Variants in CRHR1 observed in about 807,000 individuals in gnomAD.
CRHR1 encodes the protein corticotropin-releasing hormone receptor 1.
CRHR1 carries 28 observed loss-of-function variants against 56.0 expected under a neutral mutation model. That is an observed-to-expected ratio of 0.50 (90% confidence interval 0.37 to 0.69). The LOEUF is 0.69. Ranked by LOEUF, CRHR1 falls within the 30% of genes least tolerant of loss-of-function variation. The pLI is 0.00. For missense variants in CRHR1, 376 were observed against 548.0 expected, an observed-to-expected ratio of 0.69 and a Z score of 3.13; for synonymous variants, 195 against 216.5, an observed-to-expected ratio of 0.90 and a Z score of 0.87.
At chr17:45,809,337 G>T (rs532497915) in intron 2 of CRHR1, among the ~76,000 whole-genome samples, 302 of 152,236 alleles carry the variant, frequency 2.0e-3, no homozygotes, top group African/African-American at 6.8e-3. Context: ...GGAGGGAGGA[G>T]AGCTGCTCAG....
chr17:45,786,636 CTTT>C (rs34895436), intron 1 of CRHR1, among the ~76,000 whole-genome samples: 5 of 108,396 alleles, frequency 4.6e-5, no homozygotes, highest in Non-Finnish European at 5.3e-5. Context: ...AGAAAATATC[CTTT>C]TTTTTTTTTT....
rs565974421 is a variant in CRHR1, at chr17:45,791,932, G to A, written c.33+7355G>A. ...CTACTTTGCAGTGTTTGTAACACCCGCACCTGCCACCTCCCTCAGAAGCCA... is the reference window on the plus strand; with the variant it reads ...CTACTTTGCAGTGTTTGTAACACCCACACCTGCCACCTCCCTCAGAAGCCA... On this transcript the variant is annotated intron_variant, in intron 1 of 12. Transcript: ENST00000314537. 1.0e-4 allele frequency among the ~76,000 whole-genome samples: 15 copies of A among 150,102 alleles called. No homozygotes were observed. The East Asian group carries it at 2.6e-3, about 26-fold the overall frequency.
intron 8 of CRHR1, among the ~76,000 whole-genome samples, chr17:45,832,560 A>G (rs984790863): frequency 6.6e-6 from 1 of 152,186 alleles, no homozygotes; most frequent in Admixed American, 6.5e-5. Context: ...AAGGGCTTCC[A>G]GTTTGTCTGG....
intron 7 of CRHR1, 70 bp downstream of exon 7, chr17:45,830,640 G>A (rs943680561): frequency 6.5e-6 from 10 of 1,532,020 alleles, no homozygotes; most frequent in Middle Eastern, 4.1e-4. Context: ...TCCAGACTCA[G>A]GCCAGCGGGC....
intron 1 of CRHR1, among the ~76,000 whole-genome samples, chr17:45,806,112 C>T (rs893926570): frequency 2.6e-5 from 4 of 152,128 alleles, no homozygotes; most frequent in Admixed American, 6.5e-5. Flanking sequence ...CACAGCGTAA[C>T]GGGGGGCTAG....
At chr17:45,829,098 G>A (rs2062232870) in intron 4 of CRHR1, 117 bp from the exon 5 acceptor site, 1 of 737,144 alleles carries the variant, frequency 1.4e-6, no homozygotes, top group South Asian at 1.7e-5. Context: ...TGCTCAGGAA[G>A]GGGGAGTGGC....
intron 1 of CRHR1, among the ~76,000 whole-genome samples, chr17:45,803,093 C>T (rs991568419): frequency 3.9e-5 from 6 of 152,040 alleles, no homozygotes; most frequent in African/African-American, 9.7e-5. Context: ...ACTAAGCAGA[C>T]GGGCCCTGGA....
chr17:45,795,724 G>A (rs554131979), intron 1 of CRHR1, among the ~76,000 whole-genome samples: 2 of 152,308 alleles, frequency 1.3e-5, no homozygotes, highest in South Asian at 4.1e-4. Context: ...TTGGGGGTGA[G>A]TTGTGAGAAA....
chr17:45,833,303 G>A, intron 9 of CRHR1, 93 bp downstream of exon 9: 4 of 1,487,048 alleles, frequency 2.7e-6, no homozygotes, highest in Non-Finnish European at 3.8e-6. Flanking sequence ...ACCTAGAGGT[G>A]GGGGCCACCC....
chr17:45,784,391 C>A lies in CRHR1; in HGVS notation c.-154C>A. 1 of 495,498 alleles carries A rather than the reference C, an allele frequency of 2.0e-6. No individual in the cohort carries two copies. Among genetic ancestry groups the A allele is most frequent in the Non-Finnish European group, 3.1e-6 (1 of 322,832 alleles). The allele number at this position is 495,498 out of a possible 1,614,324, so 30.7% of individuals were successfully genotyped here. On this transcript the variant is annotated 5_prime_UTR_variant, in exon 1 of 13. Coordinates refer to ENST00000314537, the MANE Select transcript of CRHR1 (RefSeq NM_004382.5). The surrounding 1 kb of genome is among the most constrained non-coding windows in gnomAD (Gnocchi z 4.2). ...GGCCGGGCCGGGCCGGGCCGCGGGG[C>A]CGGGAAGCGCCGAGCCGGGCATCTC...
At chr17:45,834,528 C>T (rs2062393465) in intron 12 of CRHR1, 96 bp from the exon 13 acceptor site, 2 of 1,442,284 alleles carry the variant, frequency 1.4e-6, no homozygotes, top group Non-Finnish European at 1.9e-6. Flanking sequence ...CTGACCTGCA[C>T]AGCCGCTTAC....
intron 1 of CRHR1, among the ~76,000 whole-genome samples, chr17:45,806,596 A>G (rs1003198602): frequency 1.3e-4 from 20 of 152,222 alleles, no homozygotes; most frequent in Non-Finnish European, 2.6e-4. Context: ...CATGGTGGTC[A>G]GCGGGCCGGT....
rs372643331 is a variant in CRHR1 at position 45,784,725 on chromosome 17, C to T, written c.33+148C>T. On this transcript the variant is annotated intron_variant, in intron 1 of 12. Transcript: ENST00000314537. The surrounding 1 kb of genome is among the most constrained non-coding windows in gnomAD (Gnocchi z 4.2). ...AAGGCTGGGCTCCGGGGCAGCCTAA[C>T]TCTCTGGACCTTTGGAGCCAGGGTT... 6.1e-5 allele frequency: 49 copies of T among 799,958 alleles called. No individual in the cohort carries two copies. In the East Asian group the frequency reaches 1.5e-3, roughly 25 times the overall value. 49.6% of individuals were successfully genotyped at this position (799,958 alleles called of 1,614,324 possible).
Position 45,830,191 on chromosome 17 carries a change from C to T in CRHR1, c.532C>T (p.Pro178Ser). The change falls in exon 6 of 13, where the codon CCC (proline) becomes TCC (serine). Residue 178 changes from proline (P) to serine (S), a missense_variant. Pro to Ser is a moderately conservative substitution (Grantham distance 74). Coordinates refer to ENST00000314537, the MANE Select transcript of CRHR1 (RefSeq NM_004382.5). ...GTTCGTGGTCCAGCTAACCATGAGC[C>T]CCGAGGTCCACCAGAGCAACGTGGT... ...TWFVVQLTMS[P>S]EVHQSNVGWC... The T allele has an allele frequency of 1.2e-6, 2 of 1,614,124 alleles. No individual in the cohort carries two copies. Among genetic ancestry groups the T allele is most frequent in the East Asian group, 2.2e-5 (1 of 44,866 alleles).
chr17:45,825,764 G>A (rs2062148808), intron 4 of CRHR1: 1 of 152,384 alleles, frequency 6.6e-6, no homozygotes, highest in Non-Finnish European at 1.5e-5. Flanking sequence ...GAGGATCGAG[G>A]GGCTGGAGTG....
At position 45,816,444 on chromosome 17, in the gene CRHR1, C is replaced by T. The variant is rs116593005; in HGVS notation, c.122-19C>T. The T allele has an allele frequency of 1.1e-3, 1,722 of 1,613,426 alleles. 17 individuals are homozygous for T. In the African/African-American group the frequency reaches 0.02, roughly 18 times the overall value. On this transcript the variant is annotated intron_variant, in intron 2 of 12. Transcript: ENST00000314537. ...GGCCGGATATCTTGCTGTGCCTTAC[C>T]AGCCGTCTCTGCCCCCAGGACTGCA...
At chr17:45,797,307 T>TTTTTTTTTTC (rs1568034430) in intron 1 of CRHR1, among the ~76,000 whole-genome samples, 2 of 137,220 alleles carry the variant, frequency 1.5e-5, no homozygotes, top group Non-Finnish European at 3.2e-5. Flanking sequence ...TTTTTTTTTT[T>TTTTTTTTTTC]TGAGACGGAG....
chr17:45,830,116 A>C lies in CRHR1; in HGVS notation c.457A>C (p.Ile153Leu), dbSNP rs368196003. The change falls in exon 6 of 13, where the codon ATC becomes CTC. Residue 153 changes from isoleucine to leucine, a missense_variant. By Grantham distance (5) the Ile-to-Leu change is conservative (BLOSUM62 2). This residue lies in a region of CRHR1 where 369 missense variants were observed against 519.5 expected (regional missense o/e 0.71). Coordinates refer to ENST00000314537, the MANE Select transcript of CRHR1 (RefSeq NM_004382.5). ...CAGGAGCATCCGGTGCCTGCGAAAC[A>C]TCATCCACTGGAACCTCATCTCCGC... ...RLRSIRCLRN[I>L]IHWNLISAFI... 1.9e-6 allele frequency: 3 copies of C among 1,613,922 alleles called. No homozygotes were observed. The highest frequency in any genetic ancestry group is 2.5e-6 in the Non-Finnish European group (3 of 1,179,990).
chr17:45,824,080 T>C (rs911454210), intron 4 of CRHR1, among the ~76,000 whole-genome samples: 1 of 152,134 alleles, frequency 6.6e-6, no homozygotes, highest in Non-Finnish European at 1.5e-5. Context: ...GGGCTCCTCC[T>C]GGACTGGGGG....
Sources: gnomAD v4.1 joint callset for allele counts (sites outside exome capture counted in the v4.1 genomes callset) on GRCh38, gnomAD v4.1.1 for gene constraint, gnomAD v4.1.1 regional missense constraint, Gnocchi (gnomAD v3.1) non-coding constraint, MANE v1.5 for transcripts, NCBI Gene and HGNC (gene_info 2026-07-23, HGNC 2026-07-21) for gene names.